Variants in IL1RAPL2 observed in about 807,000 individuals in gnomAD.
IL1RAPL2 encodes the protein X-linked interleukin-1 receptor accessory protein-like 2.
In IL1RAPL2, 3 loss-of-function variants were observed where a neutral mutation model predicts 44.1. The observed-to-expected ratio is 0.07, with a 90% CI of 0.03 to 0.18. The LOEUF (loss-of-function observed/expected upper bound fraction) is 0.18. IL1RAPL2 is among the 10% of genes least tolerant of loss of function. IL1RAPL2 has a pLI of 1.00. For missense variants in IL1RAPL2, 391 were observed against 496.4 expected, an observed-to-expected ratio of 0.79 and a Z score of 2.02; for synonymous variants, 181 against 178.8, an observed-to-expected ratio of 1.01 and a Z score of -0.10.
intron 2 of IL1RAPL2, among the ~76,000 whole-genome samples, chrX:104,811,485 G>A (rs1932978589): frequency 9.0e-6 from 1 of 110,941 alleles, no homozygotes; most frequent in African/African-American, 3.3e-5. Context: ...TAAAATGGCA[G>A]CAGAATCAAG....
At chrX:104,740,095 G>A (rs1258818368) in intron 2 of IL1RAPL2, among the ~76,000 whole-genome samples, 7 of 111,128 alleles carry the variant, frequency 6.3e-5, no homozygotes, top group Non-Finnish European at 7.6e-5. Context: ...TCTATTTTAG[G>A]CACCTACATT....
At chrX:105,579,690 TA>T (rs2037074698) in intron 6 of IL1RAPL2, among the ~76,000 whole-genome samples, 1 of 111,532 alleles carries the variant, frequency 9.0e-6, no homozygotes, top group Non-Finnish European at 1.9e-5. Flanking sequence ...GATAAAGAAC[TA>T]AGGCCCAAAG....
At chrX:104,917,985 T>A (rs1602818427) in intron 2 of IL1RAPL2, among the ~76,000 whole-genome samples, 1 of 111,187 alleles carries the variant, frequency 9.0e-6, no homozygotes, top group East Asian at 2.8e-4. Context: ...GATATACTAA[T>A]TACTGCCCTA....
Position 105,397,291 on chromosome X carries a change from A to G in IL1RAPL2, c.698-87022A>G, listed in dbSNP as rs147974705. On this transcript the variant is annotated intron_variant, in intron 5 of 10. Coordinates refer to ENST00000372582, the MANE Select transcript of IL1RAPL2 (RefSeq NM_017416.2). ...TCATTCTGAAACCTGCCACCTCCCC[A>G]GTCCATAGAAAAACTGGCTTCCATG... 5.3e-3 allele frequency among the ~76,000 whole-genome samples: 592 copies of G among 111,169 alleles called. 5 individuals are homozygous for G. Among genetic ancestry groups the G allele is most frequent in the African/African-American group, 0.018 (552 of 30,610 alleles).
At chrX:104,936,283 C>T (rs1245464412) in intron 2 of IL1RAPL2, among the ~76,000 whole-genome samples, 4 of 111,582 alleles carry the variant, frequency 3.6e-5, no homozygotes, top group Non-Finnish European at 7.5e-5. Context: ...ATTATGAACT[C>T]AATTTAGTGT....
intron 1 of IL1RAPL2, among the ~76,000 whole-genome samples, chrX:104,633,732 T>C (rs2148012989): frequency 9.0e-6 from 1 of 111,553 alleles, no homozygotes; most frequent in Non-Finnish European, 1.9e-5. Flanking sequence ...TCTTCTCTCT[T>C]TTCTTCTTTA....
intron 2 of IL1RAPL2, among the ~76,000 whole-genome samples, chrX:105,045,323 C>G (rs1288400759): frequency 9.0e-6 from 1 of 111,459 alleles, no homozygotes. Flanking sequence ...AAGTGGAATT[C>G]TCTTCTTATA....
intron 4 of IL1RAPL2, among the ~76,000 whole-genome samples, chrX:105,259,407 A>G (rs1411584924): frequency 1.8e-5 from 2 of 111,338 alleles, no homozygotes; most frequent in Non-Finnish European, 3.8e-5. Flanking sequence ...GGCTTCTCAT[A>G]GTAGCTCTGG....
chrX:105,461,583 C>T (rs898390797), intron 5 of IL1RAPL2, among the ~76,000 whole-genome samples: 1 of 111,431 alleles, frequency 9.0e-6, no homozygotes, highest in Non-Finnish European at 1.9e-5. Flanking sequence ...CGCCCAAAGG[C>T]TCAGGCTGTC....
At chrX:105,453,390 T>C (rs2036032841) in intron 5 of IL1RAPL2, among the ~76,000 whole-genome samples, 1 of 112,484 alleles carries the variant, frequency 8.9e-6, no homozygotes, top group Admixed American at 9.4e-5. Context: ...AAACTTTGTA[T>C]ACTTCATGTC....
intron 2 of IL1RAPL2, among the ~76,000 whole-genome samples, chrX:104,926,473 G>C (rs1447543655): frequency 9.0e-6 from 1 of 111,627 alleles, no homozygotes; most frequent in Non-Finnish European, 1.9e-5. Flanking sequence ...TATCATCACG[G>C]TTATCAAACT....
chrX:105,710,359 C>CTTTTTTTT (rs61023852), intron 6 of IL1RAPL2, among the ~76,000 whole-genome samples: 5 of 65,847 alleles, frequency 7.6e-5, no homozygotes, highest in Non-Finnish European at 7.8e-5. Context: ...GAAAATCCTA[C>CTTTTTTTT]TTTTTTTTTT....
intron 2 of IL1RAPL2, among the ~76,000 whole-genome samples, chrX:105,194,116 A>G (rs782370542): frequency 1.8e-5 from 2 of 112,318 alleles, no homozygotes; most frequent in Non-Finnish European, 3.8e-5. Context: ...CCATGCAAGC[A>G]TCTTCCCCCT....
chrX:105,416,170 AT>A (rs2147743287), intron 5 of IL1RAPL2, among the ~76,000 whole-genome samples: 1 of 112,116 alleles, frequency 8.9e-6, no homozygotes, highest in Admixed American at 9.5e-5. Flanking sequence ...GCATTGAAAA[AT>A]TGAAGTGTGC....
chrX:104,609,227 A>C (rs767615986), intron 1 of IL1RAPL2, among the ~76,000 whole-genome samples: 1 of 112,153 alleles, frequency 8.9e-6, no homozygotes, highest in Non-Finnish European at 1.9e-5. Context: ...ATCTGCTGTT[A>C]GTCTGATGGG....
At chrX:104,663,161 T>C (rs1048770416) in intron 2 of IL1RAPL2, among the ~76,000 whole-genome samples, 4 of 111,580 alleles carry the variant, frequency 3.6e-5, no homozygotes, top group African/African-American at 1.3e-4. Context: ...ATTTTCTGAT[T>C]GTTGATGAGG....
chrX:105,553,358 CAAGAGGAAACTCACTAGGACAA>C (rs2036872838), intron 6 of IL1RAPL2, among the ~76,000 whole-genome samples: 1 of 111,593 alleles, frequency 9.0e-6, no homozygotes, highest in Non-Finnish European at 1.9e-5. Flanking sequence ...AGTAAGCAAT[CAAGAGGAAACTCACTAGGACAA>C]CTAACACTGG....
At chrX:104,890,895 T>C (rs185412891) in intron 2 of IL1RAPL2, among the ~76,000 whole-genome samples, 1 of 111,785 alleles carries the variant, frequency 8.9e-6, no homozygotes, top group Non-Finnish European at 1.9e-5. Context: ...CTGAATGGTA[T>C]TGCCTAAGTT....
chrX:104,962,789 C>T (rs1468020251), intron 2 of IL1RAPL2, among the ~76,000 whole-genome samples: 1 of 111,927 alleles, frequency 8.9e-6, no homozygotes, highest in East Asian at 2.8e-4. Flanking sequence ...GGTGATTCTT[C>T]AATCTCTGCC....
Sources: allele counts gnomAD v4.1 joint callset (sites outside exome capture counted in the v4.1 genomes callset), GRCh38; gene constraint gnomAD v4.1.1; transcripts MANE v1.5; gene names NCBI Gene and HGNC (gene_info 2026-07-23, HGNC 2026-07-21).